Variants in INPP4B observed in about 807,000 individuals in gnomAD.
The protein encoded by INPP4B is inositol polyphosphate 4-phosphatase type II.
Under a neutral mutation model 122.5 loss-of-function variants are expected in INPP4B, and 55 were observed. That is an observed-to-expected ratio of 0.45 (90% CI 0.36 to 0.56). The LOEUF (loss-of-function observed/expected upper bound fraction) is 0.56. Among genes scored for constraint, INPP4B ranks in the 20% least tolerant of loss-of-function variants. INPP4B has a pLI of 0.00. For synonymous variants in INPP4B, 403 were observed against 388.7 expected (o/e 1.04, Z -0.43); for missense variants, 1,000 against 1,097.7 (o/e 0.91, Z 1.26).
intron 2 of INPP4B, among the ~76,000 whole-genome samples, chr4:142,699,615 T>G (rs1761460057): frequency 6.6e-6 from 1 of 152,184 alleles, no homozygotes; most frequent in South Asian, 2.1e-4. Context: ...ATCCATTCAC[T>G]CATGCATATA....
intron 1 of INPP4B, among the ~76,000 whole-genome samples, chr4:142,774,779 TC>T (rs1773597372): frequency 6.6e-6 from 1 of 152,086 alleles, no homozygotes; most frequent in African/African-American, 2.4e-5. Context: ...AGGGCAGAAT[TC>T]CCATATACCT....
rs1340373305 is a variant in INPP4B, at chr4:142,034,397, C to CA, written c.2643-5484dup. Among the ~76,000 whole-genome samples the CA allele has an allele frequency of 4.6e-5, 7 of 152,222 alleles. No homozygotes were observed. The East Asian group carries it at 1.4e-3, about 30-fold the overall frequency. The stretch of plus-strand genomic sequence containing the variant: ...CACCCAGCCCGAATGTCACTGCTGG[C>CA]ATAGCAGAGAGGCTGGGCCCTGGCT... On this transcript the variant is annotated intron_variant, in intron 25 of 25. Transcript: ENST00000262992.
chr4:142,150,675 T>C (rs972679423), intron 17 of INPP4B, among the ~76,000 whole-genome samples: 2 of 152,124 alleles, frequency 1.3e-5, no homozygotes, highest in Non-Finnish European at 2.9e-5. Flanking sequence ...TAAGGTAACA[T>C]GCAGGTCAAA....
At chr4:142,509,651 C>G (rs1297062623) in intron 2 of INPP4B, among the ~76,000 whole-genome samples, 3 of 152,068 alleles carry the variant, frequency 2.0e-5, no homozygotes, top group African/African-American at 7.2e-5. Flanking sequence ...GAAACTGATC[C>G]CCTTCCTTAC....
chr4:142,345,656 C>G (rs1336227805), intron 7 of INPP4B, among the ~76,000 whole-genome samples: 1 of 152,000 alleles, frequency 6.6e-6, no homozygotes, highest in African/African-American at 2.4e-5. Flanking sequence ...ATCATCAATT[C>G]ATTTCATTCA....
chr4:142,633,819 A>T (rs994417356), intron 2 of INPP4B, among the ~76,000 whole-genome samples: 2 of 152,172 alleles, frequency 1.3e-5, no homozygotes, highest in Admixed American at 1.3e-4. Flanking sequence ...ATTAATTGAA[A>T]GAGAAGCACC....
intron 1 of INPP4B, among the ~76,000 whole-genome samples, chr4:142,828,984 A>G (rs1781775984): frequency 6.6e-6 from 1 of 151,078 alleles, no homozygotes; most frequent in South Asian, 2.1e-4. Context: ...ATGACCCCTG[A>G]CTTCTGATGA....
intron 25 of INPP4B, among the ~76,000 whole-genome samples, chr4:142,067,628 G>C (rs549030631): frequency 3.3e-5 from 5 of 152,176 alleles, no homozygotes; most frequent in Non-Finnish European, 7.3e-5. Flanking sequence ...GTGTAGAGAA[G>C]TCCTTAAATG....
At position 142,180,849 on chromosome 4, in the gene INPP4B, C is replaced by G. The variant is rs544184329; in HGVS notation, c.1182-7040G>C. ...AAAAATATAATTAAAGACGTTCTCA[C>G]CTAATTAAAACAAAGTTCATTAGAG... is the stretch of plus-strand genomic sequence containing the variant. On this transcript the variant is annotated intron_variant, in intron 15 of 25. Coordinates refer to ENST00000262992, the MANE Select transcript of INPP4B (RefSeq NM_001101669.3). Among the ~76,000 whole-genome samples, 15 of 152,144 alleles carry G rather than the reference C, an allele frequency of 9.9e-5. No individual in the cohort carries two copies. In the South Asian group the frequency reaches 3.1e-3, roughly 32 times the overall value.
chr4:142,483,474 C>T (rs1416983370), intron 2 of INPP4B, among the ~76,000 whole-genome samples: 5 of 151,962 alleles, frequency 3.3e-5, no homozygotes, highest in African/African-American at 1.2e-4. Context: ...ATCTGATATT[C>T]AGTTTCAGGT....
chr4:142,220,021 G>A (rs1848744842), intron 12 of INPP4B, among the ~76,000 whole-genome samples: 1 of 152,116 alleles, frequency 6.6e-6, no homozygotes, highest in Admixed American at 6.5e-5. Context: ...CTATCCTATA[G>A]GATGGTACAA....
At chr4:142,758,420 T>C (rs1282065624) in intron 1 of INPP4B, among the ~76,000 whole-genome samples, 1 of 152,116 alleles carries the variant, frequency 6.6e-6, no homozygotes, top group Non-Finnish European at 1.5e-5. Flanking sequence ...CATTAAATAT[T>C]CAGCAATGAA....
chr4:142,325,150 T>C (rs1771845432), intron 7 of INPP4B, among the ~76,000 whole-genome samples: 1 of 152,176 alleles, frequency 6.6e-6, no homozygotes, highest in Admixed American at 6.5e-5. Context: ...GCCTAGCTTC[T>C]TTTCTAGGTG....
intron 1 of INPP4B, among the ~76,000 whole-genome samples, chr4:142,769,427 G>C (rs1383484700): frequency 2.6e-5 from 4 of 152,136 alleles, no homozygotes; most frequent in Non-Finnish European, 5.9e-5. Context: ...CGATATTTTA[G>C]TAAACTATAA....
intron 18 of INPP4B, among the ~76,000 whole-genome samples, chr4:142,134,834 C>T (rs1803230331): frequency 6.9e-6 from 1 of 144,788 alleles, no homozygotes; most frequent in Non-Finnish European, 1.5e-5. Context: ...GTTGTTTTAG[C>T]TGGAGAACTA....
Position 142,590,894 on chromosome 4 carries a change from A to AAAAC in INPP4B, c.-190-128169_-190-128168insGTTT, listed in dbSNP as rs1553964629. On this transcript the variant is annotated intron_variant, in intron 2 of 25. Coordinates refer to ENST00000262992, the MANE Select transcript of INPP4B (RefSeq NM_001101669.3). ...AATATCATTCTCCAAAAAAAAAAAA[A>AAAAC]AAAAAACAAAAGAACTAGGGATACT... is the stretch of plus-strand genomic sequence containing the variant. Among the ~76,000 whole-genome samples, 356 of 150,358 alleles carry AAAAC rather than the reference A, an allele frequency of 2.4e-3. 6 individuals are homozygous for AAAAC. The highest frequency in any genetic ancestry group is 0.018 in the East Asian group (90 of 5,108).
At chr4:142,230,814 A>G (rs1451778554) in intron 12 of INPP4B, among the ~76,000 whole-genome samples, 1 of 152,160 alleles carries the variant, frequency 6.6e-6, no homozygotes, top group African/African-American at 2.4e-5. Flanking sequence ...ATATATCTGT[A>G]ACTGTGGCTG....
At chr4:142,251,888 C>T (rs896911214) in intron 11 of INPP4B, among the ~76,000 whole-genome samples, 3 of 152,154 alleles carry the variant, frequency 2.0e-5, no homozygotes, top group African/African-American at 7.2e-5. Flanking sequence ...CATGCTATGT[C>T]ACTGCTTAAA....
At chr4:142,601,225 A>G (rs1442493394) in intron 2 of INPP4B, among the ~76,000 whole-genome samples, 1 of 152,204 alleles carries the variant, frequency 6.6e-6, no homozygotes, top group East Asian at 1.9e-4. Flanking sequence ...ACATTTACAG[A>G]ACATTTCATC....
Sources: gnomAD v4.1 joint callset for allele counts (sites outside exome capture counted in the v4.1 genomes callset) on GRCh38, gnomAD v4.1.1 for gene constraint, MANE v1.5 for transcripts, NCBI Gene and HGNC (gene_info 2026-07-23, HGNC 2026-07-21) for gene names.